CDKL5: variants seen among roughly 807,000 people sequenced by gnomAD.
The protein encoded by CDKL5 is cyclin-dependent kinase-like 5.
In CDKL5, 8 loss-of-function variants were observed where a neutral mutation model predicts 61.7. The ratio of observed to expected loss-of-function variants is 0.13; its 90% CI spans 0.08 to 0.23. CDKL5 has a LOEUF of 0.23. Among genes scored for constraint, CDKL5 ranks in the 10% least tolerant of loss-of-function variants. CDKL5 has a pLI of 1.00. For synonymous variants in CDKL5, 275 were observed against 272.3 expected, an observed-to-expected ratio of 1.01 and a Z score of -0.10; for missense variants, 440 against 734.5, an observed-to-expected ratio of 0.60 and a Z score of 4.63.
chrX:18,453,903 G>T lies in CDKL5; in HGVS notation c.-163+28208G>T, dbSNP rs370623692. On this transcript the variant is annotated intron_variant, in intron 1 of 17. Transcript: ENST00000623535. ...GAGCTCGTTTTGTTTTACTTATTGA[G>T]CATCAAGATTGAAAGAGGAAAGTAA... 2.7e-5 allele frequency among the ~76,000 whole-genome samples: 3 copies of T among 112,073 alleles called. No individual in the cohort carries two copies. In the East Asian group the frequency reaches 8.5e-4, roughly 32 times the overall value.
chrX:18,462,079 GTTTT>G (rs759099634), intron 1 of CDKL5, among the ~76,000 whole-genome samples: 1 of 96,959 alleles, frequency 1.0e-5, no homozygotes, highest in Non-Finnish European at 2.1e-5. Context: ...TTTTTTTGCG[GTTTT>G]TTTTTTTTTT....
At chrX:18,648,324 C>T (rs1306301940) in intron 20 of CDKL5, among the ~76,000 whole-genome samples, 1 of 110,874 alleles carries the variant, frequency 9.0e-6, no homozygotes, top group Non-Finnish European at 1.9e-5. Context: ...CCACTGCAAC[C>T]TCTGCCTCCT....
chrX:18,457,636 G>A (rs1932173833), intron 1 of CDKL5: 1 of 108,573 alleles, frequency 9.2e-6, no homozygotes, highest in Non-Finnish European at 1.9e-5. Flanking sequence ...GTTTTTTTTT[G>A]ACTGAGTCTC....
At chrX:18,609,213 C>T (rs1383361967) in intron 13 of CDKL5, among the ~76,000 whole-genome samples, 1 of 110,677 alleles carries the variant, frequency 9.0e-6, no homozygotes, top group African/African-American at 3.3e-5. Context: ...GGCAACATAG[C>T]AAGACCCCAT....
intron 1 of CDKL5, among the ~76,000 whole-genome samples, chrX:18,433,269 C>T (rs1369437441): frequency 2.9e-5 from 3 of 104,374 alleles, no homozygotes; most frequent in South Asian, 4.3e-4. Flanking sequence ...ATACACTTCT[C>T]GGCCGGGCCT....
At chrX:18,451,839 C>T (rs967558394) in intron 1 of CDKL5, among the ~76,000 whole-genome samples, 2 of 111,977 alleles carry the variant, frequency 1.8e-5, no homozygotes, top group Non-Finnish European at 3.8e-5. Flanking sequence ...CATGCCCGGC[C>T]CCCTTTTATA....
intron 14 of CDKL5, among the ~76,000 whole-genome samples, chrX:18,610,807 G>A (rs1039677274): frequency 9.8e-5 from 11 of 112,268 alleles, no homozygotes; most frequent in African/African-American, 3.6e-4. Flanking sequence ...CCAAGAGCAA[G>A]GCCTTGGGTC....
intron 1 of CDKL5, among the ~76,000 whole-genome samples, chrX:18,432,603 CTTTTTTT>C (rs778402912): frequency 2.2e-5 from 2 of 89,985 alleles, no homozygotes; most frequent in African/African-American, 4.0e-5. Flanking sequence ...TAAAAGATGT[CTTTTTTT>C]TTTTTTTTTT....
chrX:18,465,924 TG>T (rs958831664), intron 1 of CDKL5, among the ~76,000 whole-genome samples: 3 of 112,256 alleles, frequency 2.7e-5, no homozygotes, highest in African/African-American at 6.5e-5. Context: ...TAATTTTTGA[TG>T]GTTTCAGGAA....
intron 6 of CDKL5, 29 bp downstream of exon 6, chrX:18,579,997 T>C (rs897210839): frequency 8.1e-6 from 9 of 1,112,455 alleles, no homozygotes; most frequent in Non-Finnish European, 1.1e-5. Flanking sequence ...AAATGGAAAA[T>C]ATTAAAACAT....
intron 4 of CDKL5, 50 bp from the exon 5 acceptor site, chrX:18,575,304 G>A (rs1856081220): frequency 1.7e-6 from 2 of 1,146,263 alleles, no homozygotes; most frequent in Non-Finnish European, 2.4e-6. Flanking sequence ...TCTTTGAATA[G>A]TAGCTTGAAA....
At chrX:18,517,928 C>T (rs1042449988) in intron 3 of CDKL5, among the ~76,000 whole-genome samples, 16 of 111,098 alleles carry the variant, frequency 1.4e-4, no homozygotes, top group African/African-American at 4.9e-4. Context: ...TTGCTTGAAC[C>T]CGGGAGGCGG....
intron 5 of CDKL5, among the ~76,000 whole-genome samples, chrX:18,577,823 A>G (rs1925349532): frequency 1.8e-5 from 2 of 112,494 alleles, no homozygotes; most frequent in Non-Finnish European, 1.9e-5. Flanking sequence ...TTTGTTTTCT[A>G]TATTACAAAG....
At chrX:18,549,067 C>T (rs1260038131) in intron 3 of CDKL5, among the ~76,000 whole-genome samples, 2 of 111,716 alleles carry the variant, frequency 1.8e-5, no homozygotes, top group Non-Finnish European at 3.8e-5. Flanking sequence ...CAGAATCAAG[C>T]ATTTTTTTAT....
chrX:18,630,846 C>T lies in CDKL5; in HGVS notation c.*2089C>T, dbSNP rs1927212904. On this transcript the variant is annotated 3_prime_UTR_variant, in exon 18 of 18. Coordinates refer to ENST00000623535, the MANE Select transcript of CDKL5 (RefSeq NM_001323289.2). ...GGGTAGCTCTGAATTCTGGCTTTTC[C>T]AGGCAGCTGCTTGATGATACAAATG... 2.7e-6 allele frequency: 2 copies of T among 747,156 alleles called. No individual in the cohort carries two copies. The highest frequency in any genetic ancestry group is 3.1e-6 in the Non-Finnish European group (2 of 637,688). 61.6% of individuals were successfully genotyped at this position (747,156 alleles called of 1,213,427 possible).
At chrX:18,598,752 C>A in intron 11 of CDKL5, 139 bp downstream of exon 11, 1 of 601,045 alleles carries the variant, frequency 1.7e-6, no homozygotes, top group Non-Finnish European at 2.8e-6. Context: ...ATGCTTATTG[C>A]ATGATTCAGA....
intron 1 of CDKL5, among the ~76,000 whole-genome samples, chrX:18,474,085 T>C (rs1290571810): frequency 9.1e-6 from 1 of 110,230 alleles, no homozygotes; most frequent in Non-Finnish European, 1.9e-5. Flanking sequence ...GCCAGGCTGG[T>C]CTCTAACTCC....
intron 15 of CDKL5, 59 bp from the exon 16 acceptor site, chrX:18,619,808 C>A: frequency 2.5e-6 from 2 of 787,555 alleles, no homozygotes; most frequent in Non-Finnish European, 1.9e-6. Context: ...TTATATTTGT[C>A]ACACAATGGC....
chrX:18,529,393 T>A (rs931331917), intron 3 of CDKL5, among the ~76,000 whole-genome samples: 1 of 111,143 alleles, frequency 9.0e-6, no homozygotes, highest in Non-Finnish European at 1.9e-5. Flanking sequence ...TAGTTACTAT[T>A]ATTATTTTGA....
Sources: allele counts gnomAD v4.1 joint callset (sites outside exome capture counted in the v4.1 genomes callset), GRCh38; gene constraint gnomAD v4.1.1; transcripts MANE v1.5; gene names NCBI Gene and HGNC (gene_info 2026-07-23, HGNC 2026-07-21).